The following ARID1B variants were observed in gnomAD, a reference collection of about 807,000 sequenced individuals.
The protein encoded by ARID1B is AT-rich interactive domain-containing protein 1B.
A neutral mutation model predicts 212.3 loss-of-function variants in ARID1B; 30 were observed. That is an observed-to-expected ratio of 0.14 (90% CI 0.11 to 0.19). ARID1B has a LOEUF of 0.19. ARID1B is among the 10% of genes least tolerant of loss of function. The pLI, the probability that ARID1B is intolerant of heterozygous loss-of-function variation, is 1.00. For missense variants in ARID1B, 2,891 were observed against 3,204.0 expected, an observed-to-expected ratio of 0.90 and a Z score of 2.36; for synonymous variants, 1,402 against 1,301.7, an observed-to-expected ratio of 1.08 and a Z score of -1.66.
At chr6:157,084,534 T>A in intron 4 of ARID1B, 128 bp from the exon 5 acceptor site, 1 of 1,247,100 alleles carries the variant, frequency 8.0e-7, no homozygotes, top group Non-Finnish European at 1.1e-6. Context: ...GGCCATGCTT[T>A]TTTATTTTGG....
chr6:156,809,279 A>G (rs578183665), intron 1 of ARID1B, among the ~76,000 whole-genome samples: 15 of 152,274 alleles, frequency 9.9e-5, no homozygotes, highest in African/African-American at 3.1e-4. Context: ...TTCATGTGCT[A>G]TGTGAGAGAT....
At chr6:157,095,729 A>C (rs1461918413) in intron 5 of ARID1B, among the ~76,000 whole-genome samples, 1 of 152,222 alleles carries the variant, frequency 6.6e-6, no homozygotes, top group Non-Finnish European at 1.5e-5. Context: ...GTGCAAAAAT[A>C]CTGTTGTATT....
intron 1 of ARID1B, among the ~76,000 whole-genome samples, chr6:156,827,021 T>A (rs1302874176): frequency 6.6e-6 from 1 of 152,180 alleles, no homozygotes; most frequent in Non-Finnish European, 1.5e-5. Flanking sequence ...TCCTATTGAT[T>A]AATTCATCAA....
Position 156,778,979 on chromosome 6 carries a change from A to T in ARID1B, c.1299A>T (p.Ala433=). ...CGGCCGCGGCGGCGGCGGCAGCAGC[A>T]GGAGGCGGCGGCGGCGGCGGCTATG... ...AAAAAAAAAA[A]GGGGGGGYGG... is the part of the protein sequence containing the mutation. The change falls in exon 1 of 20, where the codon GCA becomes GCT. Residue 433 remains alanine, a synonymous_variant. Transcript: ENST00000636930. 1 of 1,270,668 alleles carries T rather than the reference A, an allele frequency of 7.9e-7. No individual in the cohort carries two copies. Among genetic ancestry groups the T allele is most frequent in the South Asian group, 3.2e-5 (1 of 31,306 alleles). The allele number at this position is 1,270,668 out of a possible 1,614,324, so 78.7% of individuals were successfully genotyped here.
intron 4 of ARID1B, among the ~76,000 whole-genome samples, chr6:156,952,481 G>A (rs539598550): frequency 2.4e-4 from 37 of 152,346 alleles, no homozygotes; most frequent in African/African-American, 8.7e-4. Context: ...GGGACACTGA[G>A]GCTGGCTTGA....
At chr6:157,154,819 G>A (rs1026081712) in intron 8 of ARID1B, among the ~76,000 whole-genome samples, 3 of 151,958 alleles carry the variant, frequency 2.0e-5, no homozygotes, top group Admixed American at 6.6e-5. Flanking sequence ...TTAACGTCGT[G>A]ATCCACCCGC....
At position 157,210,078 on chromosome 6, in the gene ARID1B, T is replaced by G; in HGVS notation, c.*2187T>G. The stretch of plus-strand genomic sequence containing the variant: ...TTACAGTCATTGTGAGACGTGACTC[T>G]CCAGTGTCACGAGGAAAAAAATCAT... On this transcript the variant is annotated 3_prime_UTR_variant, in exon 20 of 20. Transcript: ENST00000636930. The G allele has an allele frequency of 4.3e-6, 1 of 233,056 alleles. No homozygotes were observed. The highest frequency in any genetic ancestry group is 6.0e-5 in the East Asian group (1 of 16,536). 14.4% of individuals were successfully genotyped at this position (233,056 alleles called of 1,614,324 possible).
chr6:157,005,128 GTT>G (rs914908254), intron 4 of ARID1B, among the ~76,000 whole-genome samples: 1 of 125,386 alleles, frequency 8.0e-6, no homozygotes, highest in African/African-American at 3.4e-5. Context: ...TGGCCAGGCT[GTT>G]TTTTGTTGTT....
intron 2 of ARID1B, among the ~76,000 whole-genome samples, chr6:156,900,492 G>A (rs925074347): frequency 6.6e-6 from 1 of 152,150 alleles, no homozygotes; most frequent in Non-Finnish European, 1.5e-5. Context: ...AAGTTCTCCA[G>A]TGGACCATAT....
At chr6:156,882,999 G>A (rs911893192) in intron 2 of ARID1B, among the ~76,000 whole-genome samples, 5 of 152,140 alleles carry the variant, frequency 3.3e-5, no homozygotes, top group South Asian at 2.1e-4. Context: ...GGGAGAGTTC[G>A]CTGTCTTAAT....
intron 2 of ARID1B, among the ~76,000 whole-genome samples, chr6:156,836,119 C>T (rs1478203011): frequency 1.3e-5 from 2 of 152,136 alleles, no homozygotes; most frequent in Non-Finnish European, 2.9e-5. Context: ...CCAACCATAT[C>T]CCTTCAGCGC....
intron 5 of ARID1B, among the ~76,000 whole-genome samples, chr6:157,089,434 C>A (rs958161708): frequency 2.6e-5 from 4 of 152,178 alleles, no homozygotes; most frequent in African/African-American, 9.6e-5. Flanking sequence ...CAACACTGCC[C>A]CGCCACATCC....
chr6:157,206,777 A>T lies in ARID1B; in HGVS notation c.6005A>T (p.Asp2002Val). 6.2e-7 allele frequency: 1 copy of T among 1,613,824 alleles called. No homozygotes were observed. The highest frequency in any genetic ancestry group is 8.5e-7 in the Non-Finnish European group (1 of 1,180,022). ...AAAAGCATCATAGCAACCATCGATG[A>T]CGTCCTCTCTGCTCGGCCAGGGGCA... is the stretch of plus-strand genomic sequence containing the variant. ...QEKSIIATIDDVLSARPGALP... is the reference protein window; with the variant it reads ...QEKSIIATIDVVLSARPGALP... The change falls in exon 20 of 20, where the codon GAC (aspartate) becomes GTC (valine). Residue 2002 changes from aspartate to valine, a missense_variant. Physicochemically the swap from Asp to Val is radical, Grantham distance 152. This residue lies in a region of ARID1B where 332 missense variants were observed against 369.2 expected (regional missense o/e 0.90). Transcript: ENST00000636930. The surrounding 1 kb of genome is among the most constrained non-coding windows in gnomAD (Gnocchi z 6.8).
At chr6:156,950,964 G>T (rs953735915) in intron 4 of ARID1B, among the ~76,000 whole-genome samples, 1 of 151,814 alleles carries the variant, frequency 6.6e-6, no homozygotes, top group Non-Finnish European at 1.5e-5. Flanking sequence ...AAATACTCTG[G>T]TATTTTAATA....
At chr6:156,812,657 T>C (rs974020280) in intron 1 of ARID1B, among the ~76,000 whole-genome samples, 5 of 152,128 alleles carry the variant, frequency 3.3e-5, no homozygotes, top group Non-Finnish European at 5.9e-5. Context: ...GGTAATGTGT[T>C]TCCTCTTTCA....
intron 2 of ARID1B, among the ~76,000 whole-genome samples, chr6:156,830,190 A>C (rs926758458): frequency 6.6e-6 from 1 of 152,170 alleles, no homozygotes; most frequent in South Asian, 2.1e-4. Context: ...TTAGATTCAA[A>C]CTTGTTAGGG....
chr6:156,866,647 A>C (rs1460763471), intron 2 of ARID1B, among the ~76,000 whole-genome samples: 1 of 152,186 alleles, frequency 6.6e-6, no homozygotes, highest in Non-Finnish European at 1.5e-5. Flanking sequence ...AAAATATGTG[A>C]GTCATAAAAT....
chr6:156,861,659 G>C lies in ARID1B; in HGVS notation c.1986+32238G>C, dbSNP rs1347950512. ...AATAAATAAATAAGAAACCAGACCA[G>C]AGACAGGTTGTGAATGTGAATGGTC... On this transcript the variant is annotated intron_variant, in intron 2 of 19. Transcript: ENST00000636930. Among the ~76,000 whole-genome samples, 3 of 152,122 alleles carry C rather than the reference G, an allele frequency of 2.0e-5. No homozygotes were observed. In the East Asian group the frequency reaches 5.8e-4, roughly 29 times the overall value.
chr6:156,852,351 A>G, intron 2 of ARID1B, among the ~76,000 whole-genome samples: 1 of 151,970 alleles, frequency 6.6e-6, no homozygotes, highest in South Asian at 2.1e-4. Context: ...GAGCGGTTGA[A>G]GTGGGAGGAC....
Sources: gnomAD v4.1 joint callset for allele counts (sites outside exome capture counted in the v4.1 genomes callset) on GRCh38, gnomAD v4.1.1 for gene constraint, gnomAD v4.1.1 regional missense constraint, Gnocchi (gnomAD v3.1) non-coding constraint, MANE v1.5 for transcripts, NCBI Gene and HGNC (gene_info 2026-07-23, HGNC 2026-07-21) for gene names.